The following ARID4A variants were observed in gnomAD, a reference collection of about 807,000 sequenced individuals.
The protein encoded by ARID4A is AT-rich interactive domain-containing protein 4A.
Under a neutral mutation model 148.6 loss-of-function variants are expected in ARID4A, and 39 were observed. The observed-to-expected ratio is 0.26, with a 90% CI of 0.20 to 0.34. ARID4A has a LOEUF of 0.34. Among genes scored for constraint, ARID4A ranks in the 10% least tolerant of loss-of-function variants. The pLI is 1.00. For synonymous variants in ARID4A, 475 were observed against 481.2 expected (o/e 0.99, Z 0.17); for missense variants, 1,265 against 1,449.1 (o/e 0.87, Z 2.06).
chr14:58,317,059 G>A (rs2032471939), intron 5 of ARID4A, among the ~76,000 whole-genome samples: 1 of 150,016 alleles, frequency 6.7e-6, no homozygotes, highest in Non-Finnish European at 1.5e-5. Context: ...CGGGCGTGGT[G>A]ACGTGTGCCT....
intron 3 of ARID4A, chr14:58,303,641 G>A: frequency 2.3e-6 from 1 of 442,606 alleles, no homozygotes; most frequent in Admixed American, 2.4e-5. Flanking sequence ...GAATGAATCA[G>A]TGAACTAGAG....
In ARID4A at chr14:58,344,545, T is replaced by TA; in HGVS notation, c.907-146dup. On this transcript the variant is annotated intron_variant, in intron 11 of 23. Coordinates refer to ENST00000355431, the MANE Select transcript of ARID4A (RefSeq NM_002892.4). ...ATTGTATATCTTCATAAATATGACT[T>TA]AAAATCTGTCATTGTAGGATATTGA... 3 of 585,926 alleles carry TA rather than the reference T, an allele frequency of 5.1e-6. No homozygotes were observed. The South Asian group carries it at 7.2e-5, about 14-fold the overall frequency. The allele number at this position is 585,926 out of a possible 1,614,324, so 36.3% of individuals were successfully genotyped here. A position where few individuals can be genotyped will look rare whatever the true frequency, so the allele number is the denominator to read the frequency against.
chr14:58,335,634 A>G (rs2033775495), intron 11 of ARID4A, among the ~76,000 whole-genome samples: 1 of 152,116 alleles, frequency 6.6e-6, no homozygotes, highest in Admixed American at 6.6e-5. Flanking sequence ...CTTAACTTGT[A>G]CGTACTCAGA....
intron 1 of ARID4A, 146 bp from the exon 2 acceptor site, chr14:58,299,652 C>A: frequency 1.5e-6 from 1 of 650,200 alleles, no homozygotes; most frequent in East Asian, 2.8e-5. Flanking sequence ...TCAGCTCCTG[C>A]GTCCTGGCTG....
chr14:58,331,190 C>T (rs575482024), intron 11 of ARID4A: 1 of 152,302 alleles, frequency 6.6e-6, no homozygotes, highest in East Asian at 1.9e-4. Flanking sequence ...TTCATACTTA[C>T]AGGCTGCCTA....
intron 11 of ARID4A, among the ~76,000 whole-genome samples, chr14:58,339,064 A>C (rs1349970228): frequency 1.3e-5 from 2 of 149,628 alleles, no homozygotes; most frequent in South Asian, 2.1e-4. Flanking sequence ...TTCCAGGCTC[A>C]AGCCATCCTC....
intron 11 of ARID4A, among the ~76,000 whole-genome samples, chr14:58,340,302 A>G (rs1191035034): frequency 6.7e-6 from 1 of 149,848 alleles, no homozygotes; most frequent in Non-Finnish European, 1.5e-5. Flanking sequence ...CTCAGCTGGG[A>G]TTACAGGTGC....
At chr14:58,345,938 G>A (rs1487846730) in intron 12 of ARID4A, among the ~76,000 whole-genome samples, 2 of 151,156 alleles carry the variant, frequency 1.3e-5, no homozygotes, top group African/African-American at 2.4e-5. Flanking sequence ...ATATCACCAT[G>A]TTGCCCAGGC....
intron 5 of ARID4A, among the ~76,000 whole-genome samples, chr14:58,307,387 T>G (rs2031689140): frequency 6.6e-6 from 1 of 152,264 alleles, no homozygotes; most frequent in Non-Finnish European, 1.5e-5. Context: ...ACCAATTTGC[T>G]GTGTGTAAGT....
chr14:58,330,236 A>G (rs945178543), intron 11 of ARID4A, 67 bp downstream of exon 11: 16 of 1,539,070 alleles, frequency 1.0e-5, no homozygotes, highest in African/African-American at 4.2e-5. Context: ...ATACCTTCAT[A>G]TATTTTTCCC....
chr14:58,330,210 C>A, intron 11 of ARID4A, 41 bp downstream of exon 11: 4 of 1,588,254 alleles, frequency 2.5e-6, no homozygotes, highest in Non-Finnish European at 3.4e-6. Context: ...CATCTTAATA[C>A]TCTCTAGTGA....
chr14:58,304,950 C>A lies in ARID4A; in HGVS notation c.124C>A (p.Leu42Met). The A allele has an allele frequency of 2.5e-6, 4 of 1,607,916 alleles. 1 individual carries two copies. In the South Asian group the frequency reaches 4.5e-5, roughly 18 times the overall value. The change falls in exon 4 of 24, where the codon CTG (leucine) becomes ATG (methionine). Residue 42 changes from leucine (L) to methionine (M), a missense_variant. This residue lies in a region of ARID4A where 59 missense variants were observed against 49.8 expected (regional missense o/e 1.18). Transcript: ENST00000355431. Reference protein sequence around the residue: ...VKRLVKVKVLLKQDNTTQLVQ... With the variant: ...VKRLVKVKVLMKQDNTTQLVQ... ...TGTGCAAAATGTTTTTCAGGTACTC[C>A]TGAAACAGGATAATACCACACAATT...
intron 5 of ARID4A, among the ~76,000 whole-genome samples, chr14:58,308,444 G>T (rs894551524): frequency 1.1e-4 from 16 of 152,188 alleles, no homozygotes; most frequent in African/African-American, 3.6e-4. Context: ...GGGAAAAACA[G>T]ATTTATTTGG....
At chr14:58,360,857 G>C (rs754007460) in intron 18 of ARID4A, 44 bp from the exon 19 acceptor site, 1 of 1,572,584 alleles carries the variant, frequency 6.4e-7, no homozygotes, top group Non-Finnish European at 8.6e-7. Flanking sequence ...TTCATTTTTC[G>C]TAAAGCATTG....
At position 58,327,422 on chromosome 14, in the gene ARID4A, A is replaced by G. The variant is rs554554684; in HGVS notation, c.583-815A>G. Among the ~76,000 whole-genome samples the G allele has an allele frequency of 6.6e-5, 10 of 152,340 alleles. No individual in the cohort carries two copies. In the East Asian group the frequency reaches 1.9e-3, roughly 29 times the overall value. The stretch of plus-strand genomic sequence containing the variant: ...GTTAAGATACTATTTTCAGAAGTTA[A>G]GAAATTAAAAAGTTCTTTGTTCATG... On this transcript the variant is annotated intron_variant, in intron 8 of 23. Coordinates refer to ENST00000355431, the MANE Select transcript of ARID4A (RefSeq NM_002892.4).
chr14:58,372,915 A>C lies in ARID4A; in HGVS notation c.*926A>C. ...TTATGTATTTTTTAAAATATTAATA[A>C]AATTTAAAAAAAGAAAATTCTAGGT... On this transcript the variant is annotated 3_prime_UTR_variant, in exon 24 of 24. Transcript: ENST00000355431. 5.5e-6 allele frequency: 1 copy of C among 181,320 alleles called. No individual in the cohort carries two copies. Among genetic ancestry groups the C allele is most frequent in the Non-Finnish European group, 1.2e-5 (1 of 84,902 alleles). The allele number at this position is 181,320 out of a possible 1,614,324, so 11.2% of individuals were successfully genotyped here.
In ARID4A at chr14:58,318,753, A is replaced by G. The variant is rs2032641087; in HGVS notation, c.397A>G (p.Thr133Ala). 11 of 1,614,028 alleles carry G rather than the reference A, an allele frequency of 6.8e-6. No individual in the cohort carries two copies. The highest frequency in any genetic ancestry group is 9.3e-6 in the Non-Finnish European group (11 of 1,179,972). Residue 133 changes from threonine (T) to alanine (A), a missense_variant, in exon 7 of 24, where the codon ACT becomes GCT. This residue lies in a region of ARID4A where 249 missense variants were observed against 277.2 expected (regional missense o/e 0.90). Transcript: ENST00000355431. ...ATTAACAAATCCAGAGCATTTTGGA[A>G]CTCCAGTAATTGCAAAGAAGACGAA... ...LPLTNPEHFGTPVIAKKTNRG... is the reference protein window; with the variant it reads ...LPLTNPEHFGAPVIAKKTNRG...
chr14:58,355,786 A>T (rs1248006054), intron 17 of ARID4A, among the ~76,000 whole-genome samples: 1 of 152,162 alleles, frequency 6.6e-6, no homozygotes, highest in Non-Finnish European at 1.5e-5. Context: ...CAGATTCTTT[A>T]GTTCACAACT....
intron 17 of ARID4A, among the ~76,000 whole-genome samples, chr14:58,354,420 T>A (rs2034777955): frequency 6.6e-6 from 1 of 152,114 alleles, no homozygotes; most frequent in African/African-American, 2.4e-5. Context: ...TGGGGGCTCT[T>A]GCATGTAATC....
Sources: gnomAD v4.1 joint callset for allele counts (sites outside exome capture counted in the v4.1 genomes callset) on GRCh38, gnomAD v4.1.1 for gene constraint, gnomAD v4.1.1 regional missense constraint, MANE v1.5 for transcripts, NCBI Gene and HGNC (gene_info 2026-07-23, HGNC 2026-07-21) for gene names.